LYN: variants seen among roughly 807,000 people sequenced by gnomAD.
LYN encodes the protein tyrosine-protein kinase Lyn.
In LYN, 12 loss-of-function variants were observed where a neutral mutation model predicts 65.0. That is an observed-to-expected ratio of 0.18 (90% CI 0.12 to 0.30). LYN has a LOEUF of 0.30. Among genes scored for constraint, LYN ranks in the 10% least tolerant of loss-of-function variants. The probability of loss-of-function intolerance (pLI) is 1.00; values close to 1 mark genes in which losing one functional copy is unlikely to be tolerated. For missense variants in LYN, 380 were observed against 623.2 expected (o/e 0.61, Z 4.16); for synonymous variants, 222 against 221.2 (o/e 1.00, Z -0.03).
intron 1 of LYN, chr8:55,894,005 A>G (rs949676611): frequency 6.6e-6 from 1 of 151,736 alleles, no homozygotes; most frequent in Non-Finnish European, 1.5e-5. Context: ...ACAAGATATG[A>G]AGAACATGCA....
At chr8:55,888,725 A>G (rs1585563447) in intron 1 of LYN, among the ~76,000 whole-genome samples, 1 of 152,046 alleles carries the variant, frequency 6.6e-6, no homozygotes, top group East Asian at 1.9e-4. Flanking sequence ...AATGGGCACA[A>G]TCCTTGGTTT....
chr8:55,880,472 G>C (rs1359692244), intron 1 of LYN, among the ~76,000 whole-genome samples: 7 of 152,170 alleles, frequency 4.6e-5, no homozygotes, highest in Non-Finnish European at 5.9e-5. Flanking sequence ...GCCGCTTCTC[G>C]CACACAGTGG....
At chr8:55,970,687 G>A (rs1306686765) in intron 10 of LYN, among the ~76,000 whole-genome samples, 1 of 152,074 alleles carries the variant, frequency 6.6e-6, no homozygotes, top group East Asian at 1.9e-4. Flanking sequence ...TCCAAGGAAT[G>A]CATGAGTACA....
chr8:56,003,137 G>A (rs1464114523), intron 12 of LYN, among the ~76,000 whole-genome samples: 1 of 149,278 alleles, frequency 6.7e-6, no homozygotes, highest in Non-Finnish European at 1.5e-5. Flanking sequence ...TCGGCTCACT[G>A]CTAGCCCCAC....
At chr8:56,004,622 C>T (rs942341105) in intron 12 of LYN, among the ~76,000 whole-genome samples, 1 of 152,088 alleles carries the variant, frequency 6.6e-6, no homozygotes, top group African/African-American at 2.4e-5. Flanking sequence ...AAAAATTCCC[C>T]ATGCCTGCGG....
At chr8:55,959,888 T>C (rs1807225372) in intron 8 of LYN, among the ~76,000 whole-genome samples, 1 of 152,080 alleles carries the variant, frequency 6.6e-6, no homozygotes. Context: ...ATAATAACAC[T>C]ATGTTAAGTG....
At chr8:55,919,638 C>A (rs553055937) in intron 1 of LYN, among the ~76,000 whole-genome samples, 1 of 152,140 alleles carries the variant, frequency 6.6e-6, no homozygotes, top group Non-Finnish European at 1.5e-5. Context: ...AACCCATGCC[C>A]GTGGGAACAA....
chr8:55,888,455 G>A (rs1804863322), intron 1 of LYN, among the ~76,000 whole-genome samples: 1 of 152,042 alleles, frequency 6.6e-6, no homozygotes, highest in Non-Finnish European at 1.5e-5. Context: ...TCCATCACAG[G>A]CAACTTCTTG....
At chr8:55,931,710 AATAGTCACTTAG>A (rs1475351452) in intron 1 of LYN, among the ~76,000 whole-genome samples, 1 of 152,116 alleles carries the variant, frequency 6.6e-6, no homozygotes, top group East Asian at 1.9e-4. Context: ...ATTAAAATTT[AATAGTCACTTAG>A]TATTCTTTTG....
chr8:56,000,576 A>C (rs1808484651), intron 12 of LYN, among the ~76,000 whole-genome samples: 1 of 151,662 alleles, frequency 6.6e-6, no homozygotes, highest in Non-Finnish European at 1.5e-5. Flanking sequence ...AAAATACAAA[A>C]AATTAGCTGG....
Position 55,984,716 on chromosome 8 carries a change from C to T in LYN, c.1051-13630C>T, listed in dbSNP as rs115760560. Among the ~76,000 whole-genome samples the T allele has an allele frequency of 5.0e-3, 762 of 152,338 alleles. 6 individuals carry two copies. The highest frequency in any genetic ancestry group is 0.017 in the African/African-American group (720 of 41,576). On this transcript the variant is annotated intron_variant, in intron 10 of 12. Transcript: ENST00000519728. ...TGGTCACACAGCAGTCAGAGCAATG[C>T]TTTGAGGCATAAATCAGATAACCCC...
At chr8:55,917,742 G>T (rs73682123) in intron 1 of LYN, among the ~76,000 whole-genome samples, 5,586 of 152,288 alleles carry the variant, frequency 0.037, 101 homozygotes, top group African/African-American at 0.051. Flanking sequence ...AAGATTTATA[G>T]AATTAGAGTT....
At chr8:55,902,335 T>TTTC (rs1805290730) in intron 1 of LYN, among the ~76,000 whole-genome samples, 9 of 100,166 alleles carry the variant, frequency 9.0e-5, no homozygotes, top group South Asian at 2.9e-4. Context: ...TTCTTTCTTT[T>TTTC]TTTTTTTTTT....
intron 10 of LYN, among the ~76,000 whole-genome samples, chr8:55,978,786 G>A (rs1161251948): frequency 2.0e-5 from 3 of 152,204 alleles, no homozygotes; most frequent in Admixed American, 1.3e-4. Context: ...CGACAGGGAA[G>A]TCTTTGAGAA....
Position 55,941,897 on chromosome 8 carries a change from G to C in LYN, c.38G>C (p.Ser13Thr). Residue 13 changes from serine (S) to threonine (T), a missense_variant, in exon 2 of 13, where the codon AGT becomes ACT. Ser to Thr is a moderately conservative substitution (Grantham distance 58, BLOSUM62 1). Around this residue, in one of 2 missense-constraint regions of LYN, gnomAD observed 157 missense variants for 193.2 expected, o/e 0.81. Transcript: ENST00000519728. The part of the protein sequence containing the change: ...CIKSKGKDSL[S>T]DDGVDLKTQP... ...AAATCAAAAGGGAAAGACAGCTTGAGTGACGATGGAGTAGATTTGAAGACT... is the reference window on the plus strand; with the variant it reads ...AAATCAAAAGGGAAAGACAGCTTGACTGACGATGGAGTAGATTTGAAGACT... 6.2e-7 allele frequency: 1 copy of C among 1,613,056 alleles called. No homozygotes were observed. Among genetic ancestry groups the C allele is most frequent in the South Asian group, 1.1e-5 (1 of 91,068 alleles).
chr8:55,928,325 T>C (rs1806169462), intron 1 of LYN, among the ~76,000 whole-genome samples: 1 of 152,182 alleles, frequency 6.6e-6, no homozygotes, highest in Non-Finnish European at 1.5e-5. Flanking sequence ...TTTGTATTTT[T>C]AGTAGAGATG....
Position 55,886,357 on chromosome 8 carries a change from A to T in LYN, c.-6+6254A>T, listed in dbSNP as rs186461671. ...CAGGTTCAAGCGATTCTGCTGCCTCAGCCTCCCGAGTAGCTGGGATTACAG... is the reference window on the plus strand; with the variant it reads ...CAGGTTCAAGCGATTCTGCTGCCTCTGCCTCCCGAGTAGCTGGGATTACAG... On this transcript the variant is annotated intron_variant, in intron 1 of 12. Coordinates refer to ENST00000519728, the MANE Select transcript of LYN (RefSeq NM_002350.4). 3.2e-3 allele frequency among the ~76,000 whole-genome samples: 487 copies of T among 150,816 alleles called. 2 individuals are homozygous for T. The highest frequency in any genetic ancestry group is 5.8e-3 in the Non-Finnish European group (394 of 67,908).
chr8:55,885,347 C>T (rs555892879), intron 1 of LYN, among the ~76,000 whole-genome samples: 3 of 152,346 alleles, frequency 2.0e-5, no homozygotes, highest in South Asian at 2.1e-4. Flanking sequence ...TTCCTTTCTA[C>T]AGTCCATGCT....
In LYN at chr8:56,012,617, G is replaced by C. The variant is rs566603929; in HGVS notation, c.*2507G>C. On this transcript the variant is annotated 3_prime_UTR_variant, in exon 13 of 13. Coordinates refer to ENST00000519728, the MANE Select transcript of LYN (RefSeq NM_002350.4). ...ACCTATGGTCCCAGCTACTCAGGAGGCTGAGGTGGGAGGATTGCTTGAGCC... is the reference window on the plus strand; with the variant it reads ...ACCTATGGTCCCAGCTACTCAGGAGCCTGAGGTGGGAGGATTGCTTGAGCC... The C allele has an allele frequency of 1.3e-5, 2 of 153,132 alleles. No homozygotes were observed. Among genetic ancestry groups the C allele is most frequent in the African/African-American group, 4.8e-5 (2 of 41,424 alleles). The allele number at this position is 153,132 out of a possible 1,614,324, so 9.5% of individuals were successfully genotyped here. A position where few individuals can be genotyped will look rare whatever the true frequency, so the allele number is the denominator to read the frequency against.
Sources: gnomAD v4.1 joint callset for allele counts (sites outside exome capture counted in the v4.1 genomes callset) on GRCh38, gnomAD v4.1.1 for gene constraint, gnomAD v4.1.1 regional missense constraint, MANE v1.5 for transcripts, NCBI Gene and HGNC (gene_info 2026-07-23, HGNC 2026-07-21) for gene names.